Variants in FBN1 observed in about 807,000 individuals in gnomAD.
FBN1 encodes the protein fibrillin-1.
In FBN1, 29 loss-of-function variants were observed where a neutral mutation model predicts 365.1. The ratio of observed to expected loss-of-function variants is 0.08; its 90% CI spans 0.06 to 0.11. The LOEUF (loss-of-function observed/expected upper bound fraction) is 0.11. Among genes scored for constraint, FBN1 ranks in the 10% least tolerant of loss-of-function variants. The probability of loss-of-function intolerance (pLI) is 1.00; values close to 1 mark genes in which losing one functional copy is unlikely to be tolerated. For missense variants in FBN1, 2,476 were observed against 3,703.2 expected (o/e 0.67, Z 8.60); for synonymous variants, 1,210 against 1,270.5 (o/e 0.95, Z 1.01).
chr15:48,453,632 C>A (rs966923288), intron 44 of FBN1, among the ~76,000 whole-genome samples: 1 of 152,022 alleles, frequency 6.6e-6, no homozygotes, highest in African/African-American at 2.4e-5. Context: ...AGAGCGAGCT[C>A]TAATGTAAAT....
At chr15:48,435,666 A>ATGTGTGTGTG (rs3074870) in intron 53 of FBN1, among the ~76,000 whole-genome samples, 9 of 145,634 alleles carry the variant, frequency 6.2e-5, no homozygotes, top group African/African-American at 2.3e-4. Context: ...GAGACCTAAA[A>ATGTGTGTGTG]TGTGTGTGTG....
chr15:48,455,989 T>C (rs1288508914), intron 44 of FBN1, among the ~76,000 whole-genome samples: 1 of 152,224 alleles, frequency 6.6e-6, no homozygotes, highest in African/African-American at 2.4e-5. Flanking sequence ...GCACATGGTA[T>C]ATTTAATAAC....
chr15:48,413,015 G>T (rs908233977), intron 64 of FBN1, among the ~76,000 whole-genome samples: 3 of 152,212 alleles, frequency 2.0e-5, no homozygotes, highest in Admixed American at 6.5e-5. Flanking sequence ...AACATGGAAA[G>T]CATTTTGCAG....
At chr15:48,447,841 A>T (rs977469410) in intron 46 of FBN1, among the ~76,000 whole-genome samples, 3 of 152,148 alleles carry the variant, frequency 2.0e-5, no homozygotes, top group African/African-American at 7.2e-5. Context: ...TGAAGACTAC[A>T]CCCAGATGAG....
At chr15:48,610,914 T>G (rs2140734209) in intron 3 of FBN1, 88 bp from the exon 4 acceptor site, 1 of 1,095,104 alleles carries the variant, frequency 9.1e-7, no homozygotes, top group Non-Finnish European at 1.4e-6. Context: ...AAACCTGGGT[T>G]CTCAGGTCCC....
In FBN1 at chr15:48,408,364, T is replaced by C. The variant is rs2042834812; in HGVS notation, c.*2626A>G. ...TCATCTAATTTACAGACATGATTTC[T>C]GAAGTTTAACAGTATTTGTAATGGC... On this transcript the variant is annotated 3_prime_UTR_variant, in exon 66 of 66. Transcript: ENST00000316623. The C allele has an allele frequency of 6.6e-6, 1 of 152,670 alleles. No individual in the cohort carries two copies. The highest frequency in any genetic ancestry group is 1.5e-5 in the Non-Finnish European group (1 of 68,034). 9.5% of individuals were successfully genotyped at this position (152,670 alleles called of 1,614,324 possible). A position where few individuals can be genotyped will look rare whatever the true frequency, so the allele number is the denominator to read the frequency against.
Position 48,498,905 on chromosome 15 carries a change from G to C in FBN1, c.2167+80C>G. 5.3e-6 allele frequency: 7 copies of C among 1,327,752 alleles called. 1 individual carries two copies. In the South Asian group the frequency reaches 5.9e-5, roughly 11 times the overall value. The allele number at this position is 1,327,752 out of a possible 1,614,324, so 82.2% of individuals were successfully genotyped here. A position where few individuals can be genotyped will look rare whatever the true frequency, so the allele number is the denominator to read the frequency against. ...GAGTCAGGCCAGACTAGTGTAAAGG[G>C]ATCAACTGGAAACCCACAAGAAAGC... On this transcript the variant is annotated intron_variant, in intron 18 of 65. Coordinates refer to ENST00000316623, the MANE Select transcript of FBN1 (RefSeq NM_000138.5).
At chr15:48,593,156 T>C (rs1037819081) in intron 6 of FBN1, among the ~76,000 whole-genome samples, 4 of 152,194 alleles carry the variant, frequency 2.6e-5, no homozygotes, top group Non-Finnish European at 4.4e-5. Context: ...ACCAAAATAC[T>C]ATGTTCATGG....
intron 4 of FBN1, among the ~76,000 whole-genome samples, chr15:48,604,919 A>G (rs1340876978): frequency 6.6e-6 from 1 of 152,168 alleles, no homozygotes; most frequent in East Asian, 1.9e-4. Flanking sequence ...CATTGGGAGT[A>G]CAAATGCCCC....
Position 48,496,179 on chromosome 15 carries a change from T to C in FBN1, c.2340A>G (p.Gln780=). The change falls in exon 20 of 66, where the codon CAA becomes CAG. Residue 780 remains glutamine, a synonymous_variant. Coordinates refer to ENST00000316623, the MANE Select transcript of FBN1 (RefSeq NM_000138.5). ...CAAAACTTCCAGGAGTATTTCTACATTGTCCATTGTCACAAAGGAGACTGT... is the reference window on the plus strand; with the variant it reads ...CAAAACTTCCAGGAGTATTTCTACACTGTCCATTGTCACAAAGGAGACTGT... The part of the protein sequence containing the change: ...VLNSLLCDNG[Q]CRNTPGSFVC... 19 of 1,613,756 alleles carry C rather than the reference T, an allele frequency of 1.2e-5. No individual in the cohort carries two copies. The highest frequency in any genetic ancestry group is 1.6e-5 in the Non-Finnish European group (19 of 1,179,740).
intron 35 of FBN1, among the ~76,000 whole-genome samples, chr15:48,471,911 C>T (rs914328649): frequency 6.6e-6 from 1 of 152,244 alleles, no homozygotes; most frequent in African/African-American, 2.4e-5. Flanking sequence ...CAGGACTCTT[C>T]GTGTCTGACC....
chr15:48,571,456 T>A (rs544209233), intron 6 of FBN1, among the ~76,000 whole-genome samples: 24 of 151,950 alleles, frequency 1.6e-4, no homozygotes, highest in African/African-American at 5.6e-4. Context: ...CATAGATAAA[T>A]CACGAGGAAA....
At chr15:48,631,231 G>A (rs1213355862) in intron 2 of FBN1, among the ~76,000 whole-genome samples, 2 of 151,970 alleles carry the variant, frequency 1.3e-5, no homozygotes, top group Non-Finnish European at 2.9e-5. Flanking sequence ...CACAGAAGAA[G>A]AAGAACAAAT....
chr15:48,621,779 G>C (rs1481750066), intron 2 of FBN1, among the ~76,000 whole-genome samples: 1 of 151,628 alleles, frequency 6.6e-6, no homozygotes, highest in Non-Finnish European at 1.5e-5. Flanking sequence ...ACAAGGTCAG[G>C]AGATCGAGAC....
chr15:48,522,706 AATTT>A (rs1430353965), intron 9 of FBN1, among the ~76,000 whole-genome samples: 1 of 152,252 alleles, frequency 6.6e-6, no homozygotes, highest in Non-Finnish European at 1.5e-5. Context: ...AAACAAGGCT[AATTT>A]AGAAACATTT....
chr15:48,489,857 A>G lies in FBN1; in HGVS notation c.3076T>C (p.Phe1026Leu). The change falls in exon 25 of 66, where the codon TTC (phenylalanine) becomes CTC (leucine). Residue 1026 changes from phenylalanine (F) to leucine (L), a missense_variant. Physicochemically the swap from Phe to Leu is conservative, Grantham distance 22. This residue lies in a region of FBN1 where 1,780 missense variants were observed against 2,840.8 expected (regional missense o/e 0.63). Coordinates refer to ENST00000316623, the MANE Select transcript of FBN1 (RefSeq NM_000138.5). ...GGAAAACGTAACATTGTACCTTTGA[A>G]GAAAGGCTTTCCATTTGTAATTTCT... The part of the protein sequence containing the change: ...TKEITNGKPF[F>L]KDINECKMIP... 1 of 1,613,922 alleles carries G rather than the reference A, an allele frequency of 6.2e-7. No individual in the cohort carries two copies. The highest frequency in any genetic ancestry group is 8.5e-7 in the Non-Finnish European group (1 of 1,179,796).
Position 48,460,234 on chromosome 15 carries a change from G to A in FBN1, c.5296+12C>T, listed in dbSNP as rs566030960. 59 of 1,608,318 alleles carry A rather than the reference G, an allele frequency of 3.7e-5. No individual in the cohort carries two copies. Among genetic ancestry groups the A allele is most frequent in the East Asian group, 2.9e-4 (13 of 44,830 alleles). ...AAAACCAGAAAGTTCTGACAATGCC[G>A]TCATGACTCACCAACGGGTAAACCG... On this transcript the variant is annotated intron_variant, in intron 43 of 65. Coordinates refer to ENST00000316623, the MANE Select transcript of FBN1 (RefSeq NM_000138.5).
At chr15:48,627,923 G>A (rs1417870266) in intron 2 of FBN1, among the ~76,000 whole-genome samples, 1 of 152,224 alleles carries the variant, frequency 6.6e-6, no homozygotes, top group Admixed American at 6.5e-5. Flanking sequence ...AACTTCTGAA[G>A]TGGTGATGAT....
chr15:48,523,204 G>C (rs1449304113), intron 9 of FBN1, among the ~76,000 whole-genome samples: 1 of 152,224 alleles, frequency 6.6e-6, no homozygotes, highest in East Asian at 1.9e-4. Flanking sequence ...TCAAAACCCA[G>C]TGTAAACACT....
Sources: allele counts gnomAD v4.1 joint callset (sites outside exome capture counted in the v4.1 genomes callset), GRCh38; gene constraint gnomAD v4.1.1; regional missense constraint gnomAD v4.1.1; transcripts MANE v1.5; gene names NCBI Gene and HGNC (gene_info 2026-07-23, HGNC 2026-07-21).